PLA2G4C: variants seen among roughly 807,000 people sequenced by gnomAD.
PLA2G4C encodes the protein phospholipase A2 group IVC.
Under a neutral mutation model 73.8 loss-of-function variants are expected in PLA2G4C, and 64 were observed. The observed-to-expected ratio is 0.87, with a 90% CI of 0.71 to 1.07. The LOEUF (loss-of-function observed/expected upper bound fraction) is 1.07, where lower values mean the gene tolerates loss of function less well. PLA2G4C is among the 50% of genes least tolerant of loss of function. PLA2G4C has a pLI of 0.00. For synonymous variants in PLA2G4C, 254 were observed against 252.1 expected (o/e 1.01, Z -0.07); for missense variants, 622 against 665.4 (o/e 0.93, Z 0.72).
intron 13 of PLA2G4C, among the ~76,000 whole-genome samples, chr19:48,065,326 G>A (rs1318300741): frequency 2.0e-5 from 3 of 151,992 alleles, no homozygotes; most frequent in African/African-American, 4.8e-5. Context: ...TCTGATTGAC[G>A]GTTGGGCACA....
intron 16 of PLA2G4C, 65 bp from the exon 17 acceptor site, chr19:48,048,453 G>A (rs1274397070): frequency 1.7e-6 from 2 of 1,147,018 alleles, no homozygotes; most frequent in Non-Finnish European, 1.2e-6. Context: ...CACTGGATAA[G>A]ATTAGAAGAC....
chr19:48,061,818 G>T, intron 14 of PLA2G4C, 180 bp downstream of exon 14: 1 of 648,176 alleles, frequency 1.5e-6, no homozygotes. Context: ...AAGTTCGTTG[G>T]ATGTGGCCGA....
chr19:48,099,566 C>A, intron 5 of PLA2G4C, 105 bp downstream of exon 5: 1 of 751,598 alleles, frequency 1.3e-6, no homozygotes, highest in South Asian at 2.0e-5. Flanking sequence ...CTTGAAAATC[C>A]TGAAGGACTT....
chr19:48,098,524 T>C (rs1406632990), intron 5 of PLA2G4C, among the ~76,000 whole-genome samples: 2 of 151,152 alleles, frequency 1.3e-5, no homozygotes, highest in Non-Finnish European at 2.9e-5. Context: ...GCTTTTGCTA[T>C]GTTGCCCAGG....
intron 10 of PLA2G4C, among the ~76,000 whole-genome samples, chr19:48,078,543 A>G (rs998434404): frequency 6.6e-6 from 1 of 152,180 alleles, no homozygotes; most frequent in African/African-American, 2.4e-5. Context: ...ATCAATGTAC[A>G]CAAACAGTAG....
At chr19:48,058,291 C>G (rs1968035036) in intron 14 of PLA2G4C, among the ~76,000 whole-genome samples, 1 of 151,186 alleles carries the variant, frequency 6.6e-6, no homozygotes, top group Non-Finnish European at 1.5e-5. Context: ...AAGAGCGAAA[C>G]TCCGTCTCAA....
chr19:48,064,430 C>A (rs75346281), intron 13 of PLA2G4C, among the ~76,000 whole-genome samples: 125 of 141,048 alleles, frequency 8.9e-4, no homozygotes, highest in Admixed American at 1.1e-3. Context: ...AACTCTGTCT[C>A]AAAAAAAAAA....
intron 3 of PLA2G4C, 138 bp from the exon 4 acceptor site, chr19:48,104,862 C>T (rs1600262622): frequency 1.3e-6 from 1 of 753,064 alleles, no homozygotes; most frequent in East Asian, 2.7e-5. Flanking sequence ...GCAGGTGGAT[C>T]ACTTGAGGTC....
At position 48,105,949 on chromosome 19, in the gene PLA2G4C, T is replaced by C. The variant is rs191300063; in HGVS notation, c.9-505A>G. On this transcript the variant is annotated intron_variant, in intron 2 of 16. Coordinates refer to ENST00000599921, the MANE Select transcript of PLA2G4C (RefSeq NM_003706.3). ...TCCCTCCCTCCCTCCCTCCCTCCCTTCTTTCTTTCTTTCTTTCTTTCTTTC... is the reference window on the plus strand; with the variant it reads ...TCCCTCCCTCCCTCCCTCCCTCCCTCCTTTCTTTCTTTCTTTCTTTCTTTC... 9.3e-3 allele frequency among the ~76,000 whole-genome samples: 176 copies of C among 18,928 alleles called. 12 individuals are homozygous for C. Among genetic ancestry groups the C allele is most frequent in the African/African-American group, 0.019 (43 of 2,320 alleles). 12.4% of individuals were successfully genotyped at this position (18,928 alleles called of 152,430 possible). A position where few individuals can be genotyped will look rare whatever the true frequency, so the allele number is the denominator to read the frequency against.
intron 14 of PLA2G4C, among the ~76,000 whole-genome samples, chr19:48,057,357 T>C (rs1372999023): frequency 6.6e-6 from 1 of 151,910 alleles, no homozygotes; most frequent in Non-Finnish European, 1.5e-5. Context: ...CATGTGGTTA[T>C]TTTTCCTTAT....
chr19:48,077,827 G>T lies in PLA2G4C; in HGVS notation c.845-3C>A. The T allele has an allele frequency of 6.2e-7, 1 of 1,604,596 alleles. No individual in the cohort carries two copies. On this transcript the variant is annotated splice_polypyrimidine_tract_variant and splice_region_variant and intron_variant, in intron 10 of 16. Coordinates refer to ENST00000599921, the MANE Select transcript of PLA2G4C (RefSeq NM_003706.3). The stretch of plus-strand genomic sequence containing the variant: ...TTCTTGCAGCCTCAGTAATCGGGCT[G>T]CAAAAGAGCAGAGGCAGGGGGAATG...
At chr19:48,054,070 G>A (rs999345622) in intron 15 of PLA2G4C, among the ~76,000 whole-genome samples, 39 of 152,254 alleles carry the variant, frequency 2.6e-4, no homozygotes, top group African/African-American at 9.1e-4. Context: ...TGGACAGGAT[G>A]ACTCACTCAA....
At chr19:48,100,724 A>T (rs1478021464) in intron 4 of PLA2G4C, among the ~76,000 whole-genome samples, 1 of 150,562 alleles carries the variant, frequency 6.6e-6, no homozygotes, top group Non-Finnish European at 1.5e-5. Flanking sequence ...CCTGGCTAAC[A>T]TGGTGAAACC....
chr19:48,059,886 A>C (rs558831275), intron 14 of PLA2G4C, among the ~76,000 whole-genome samples: 13 of 149,734 alleles, frequency 8.7e-5, no homozygotes, highest in African/African-American at 2.0e-4. Context: ...CTCCTGCCTC[A>C]GCCTCCCGAG....
In PLA2G4C at chr19:48,110,498, T is replaced by G. The variant is rs990076216; in HGVS notation, c.-44A>C. The G allele has an allele frequency of 2.1e-5, 26 of 1,217,822 alleles. No individual in the cohort carries two copies. The highest frequency in any genetic ancestry group is 5.2e-5 in the African/African-American group (1 of 19,324). 75.4% of individuals were successfully genotyped at this position (1,217,822 alleles called of 1,614,324 possible). A position where few individuals can be genotyped will look rare whatever the true frequency, so the allele number is the denominator to read the frequency against. ...CCCCCACGGCTTGCCTGAGCCTGGG[T>G]CTGGGGCGTGTGCGCATGCGCGGTG... On this transcript the variant is annotated 5_prime_UTR_variant, in exon 1 of 17. Transcript: ENST00000599921.
At chr19:48,078,640 A>G (rs1043952288) in intron 10 of PLA2G4C, among the ~76,000 whole-genome samples, 16 of 152,198 alleles carry the variant, frequency 1.1e-4, no homozygotes, top group Non-Finnish European at 1.6e-4. Flanking sequence ...ATAAAATAAA[A>G]TACTCAGGAA....
At chr19:48,109,338 C>T (rs1568460396) in intron 1 of PLA2G4C, among the ~76,000 whole-genome samples, 4 of 151,988 alleles carry the variant, frequency 2.6e-5, no homozygotes, top group African/African-American at 4.8e-5. Context: ...GTGGTGTGAT[C>T]GTGGCTCACT....
intron 6 of PLA2G4C, 62 bp downstream of exon 6, chr19:48,098,077 C>T (rs1326717066): frequency 1.3e-6 from 2 of 1,557,294 alleles, no homozygotes; most frequent in Admixed American, 3.6e-5. Context: ...AAACATTCTT[C>T]CATTCCACTC....
chr19:48,058,568 A>C (rs565171474), intron 14 of PLA2G4C, among the ~76,000 whole-genome samples: 1 of 152,280 alleles, frequency 6.6e-6, no homozygotes, highest in South Asian at 2.1e-4. Context: ...CTATAATCCC[A>C]GCACTTTGGA....
Sources: allele counts gnomAD v4.1 joint callset (sites outside exome capture counted in the v4.1 genomes callset), GRCh38; gene constraint gnomAD v4.1.1; transcripts MANE v1.5; gene names NCBI Gene and HGNC (gene_info 2026-07-23, HGNC 2026-07-21).